The following TTC28 variants were observed in gnomAD, a reference collection of about 807,000 sequenced individuals.
The protein encoded by TTC28 is tetratricopeptide repeat protein 28.
A neutral mutation model predicts 198.0 loss-of-function variants in TTC28; 61 were observed. The ratio of observed to expected loss-of-function variants is 0.31; its 90% confidence interval spans 0.25 to 0.38. The LOEUF (loss-of-function observed/expected upper bound fraction) is 0.38. Ranked by LOEUF, TTC28 falls within the 10% of genes least tolerant of loss-of-function variation. TTC28 has a pLI of 1.00. For synonymous variants in TTC28, 1,171 were observed against 1,297.8 expected (o/e 0.90, Z 2.10); for missense variants, 2,678 against 3,164.0 (o/e 0.85, Z 3.69).
Position 27,983,619 on chromosome 22 carries a change from G to A in TTC28, c.6048C>T (p.Gly2016=). 6.5e-7 allele frequency: 1 copy of A among 1,544,332 alleles called. No individual in the cohort carries two copies. The highest frequency in any genetic ancestry group is 8.7e-7 in the Non-Finnish European group (1 of 1,143,616). ...SKPEGGSEGG[G]PGGRQDHDRS... ...GGTCATGGTCCTGCCGTCCTCCGGG[G>A]CCTCCACCCTCTGATCCACCCTCGG... The change falls in exon 23 of 23, where the codon GGC becomes GGT. Residue 2016 remains glycine, a synonymous_variant. Coordinates refer to ENST00000397906, the MANE Select transcript of TTC28 (RefSeq NM_001145418.2).
chr22:28,570,886 G>C (rs1009713116), intron 2 of TTC28, among the ~76,000 whole-genome samples: 8 of 152,128 alleles, frequency 5.3e-5, no homozygotes, highest in African/African-American at 1.7e-4. Flanking sequence ...GGAGATACAA[G>C]GCACTACAGA....
chr22:28,105,119 A>C (rs941373513), intron 8 of TTC28, among the ~76,000 whole-genome samples, 160 bp downstream of exon 8: 1 of 152,156 alleles, frequency 6.6e-6, no homozygotes, highest in Non-Finnish European at 1.5e-5. Flanking sequence ...TGGTGGGGAC[A>C]CCGTGATTCT....
In TTC28 at chr22:28,504,746, G is replaced by A. The variant is rs992020771; in HGVS notation, c.381+124806C>T. On this transcript the variant is annotated intron_variant, in intron 2 of 22. Transcript: ENST00000397906. Reference sequence around the variant, plus strand: ...CCATTCCCAGCTCTGAAGAAGATATGCTCTTAATAAAAAACACTTTCTTGA... The same window carrying A: ...CCATTCCCAGCTCTGAAGAAGATATACTCTTAATAAAAAACACTTTCTTGA... Among the ~76,000 whole-genome samples the A allele has an allele frequency of 9.9e-5, 15 of 152,070 alleles. No homozygotes were observed. In the East Asian group the frequency reaches 1.2e-3, roughly 12 times the overall value.
At chr22:28,227,431 ACT>A (rs1928431165) in intron 5 of TTC28, among the ~76,000 whole-genome samples, 1 of 152,222 alleles carries the variant, frequency 6.6e-6, no homozygotes, top group African/African-American at 2.4e-5. Flanking sequence ...ATCGAAGGTC[ACT>A]ACCAAAGAAG....
At chr22:28,481,418 T>C (rs1375964531) in intron 2 of TTC28, among the ~76,000 whole-genome samples, 2 of 152,154 alleles carry the variant, frequency 1.3e-5, no homozygotes, top group Admixed American at 1.3e-4. Flanking sequence ...AACTCAAAAG[T>C]TGTGTTTTTT....
chr22:28,396,579 G>A (rs900091744), intron 2 of TTC28, among the ~76,000 whole-genome samples: 4 of 151,986 alleles, frequency 2.6e-5, no homozygotes, highest in African/African-American at 9.7e-5. Flanking sequence ...CTTTAACATT[G>A]GTGCTCCCAA....
chr22:28,504,810 G>A (rs1281121553), intron 2 of TTC28, among the ~76,000 whole-genome samples: 1 of 152,072 alleles, frequency 6.6e-6, no homozygotes, highest in Non-Finnish European at 1.5e-5. Context: ...AATCCAGTGG[G>A]AGTGGGTACA....
chr22:28,391,609 T>C (rs1255641440), intron 2 of TTC28, among the ~76,000 whole-genome samples: 1 of 152,248 alleles, frequency 6.6e-6, no homozygotes, highest in African/African-American at 2.4e-5. Flanking sequence ...CCATCGCTGA[T>C]ACCCTTTCTT....
chr22:28,014,875 C>T (rs774642815), intron 13 of TTC28, among the ~76,000 whole-genome samples: 40 of 152,326 alleles, frequency 2.6e-4, no homozygotes, highest in Middle Eastern at 3.4e-3. Context: ...AGCCCCAGCA[C>T]GGGCTCTGTG....
intron 2 of TTC28, among the ~76,000 whole-genome samples, chr22:28,388,439 A>G (rs2046654343): frequency 6.6e-6 from 1 of 152,170 alleles, no homozygotes; most frequent in African/African-American, 2.4e-5. Context: ...CTTGGGCAGT[A>G]TGGCCATTTT....
intron 2 of TTC28, among the ~76,000 whole-genome samples, chr22:28,508,762 T>C (rs1472860491): frequency 6.6e-6 from 1 of 152,142 alleles, no homozygotes; most frequent in Non-Finnish European, 1.5e-5. Context: ...ACTTAGACTT[T>C]AGACTCCCAC....
At chr22:28,242,322 C>G (rs995461366) in intron 5 of TTC28, among the ~76,000 whole-genome samples, 1 of 152,160 alleles carries the variant, frequency 6.6e-6, no homozygotes, top group African/African-American at 2.4e-5. Flanking sequence ...ATTATGCCAT[C>G]TGACAGAAAC....
chr22:28,429,262 C>T (rs1175302215), intron 2 of TTC28, among the ~76,000 whole-genome samples: 1 of 152,180 alleles, frequency 6.6e-6, no homozygotes, highest in African/African-American at 2.4e-5. Flanking sequence ...CTGCCTGATC[C>T]TACCTAAAAG....
At chr22:28,480,459 A>G (rs2048230227) in intron 2 of TTC28, among the ~76,000 whole-genome samples, 1 of 152,196 alleles carries the variant, frequency 6.6e-6, no homozygotes, top group Non-Finnish European at 1.5e-5. Flanking sequence ...AATGTTCAGA[A>G]AATTAATTAG....
chr22:28,242,162 G>A (rs1196007517), intron 5 of TTC28, among the ~76,000 whole-genome samples: 6 of 152,112 alleles, frequency 3.9e-5, no homozygotes, highest in South Asian at 2.1e-4. Context: ...ACTGCCTGGC[G>A]CCACAGCACA....
chr22:28,178,416 G>A (rs963510317), intron 5 of TTC28, among the ~76,000 whole-genome samples: 6 of 152,164 alleles, frequency 3.9e-5, no homozygotes, highest in South Asian at 4.2e-4. Context: ...GCAGTGAGCC[G>A]AGATGGCACC....
chr22:28,432,415 A>C (rs2047447375), intron 2 of TTC28, among the ~76,000 whole-genome samples: 1 of 152,226 alleles, frequency 6.6e-6, no homozygotes, highest in Non-Finnish European at 1.5e-5. Context: ...ATTCATTCTT[A>C]ATTCATATGA....
intron 2 of TTC28, among the ~76,000 whole-genome samples, chr22:28,422,599 T>C (rs1443335963): frequency 1.3e-5 from 2 of 151,836 alleles, no homozygotes; most frequent in African/African-American, 4.8e-5. Flanking sequence ...CCACCACGCC[T>C]GGCTAATTTT....
At chr22:28,200,384 A>G (rs758990338) in intron 5 of TTC28, among the ~76,000 whole-genome samples, 2 of 152,200 alleles carry the variant, frequency 1.3e-5, no homozygotes, top group African/African-American at 2.4e-5. Flanking sequence ...CAAATTTCCT[A>G]CAACAGCATG....
Sources: gnomAD v4.1 joint callset for allele counts (sites outside exome capture counted in the v4.1 genomes callset) on GRCh38, gnomAD v4.1.1 for gene constraint, MANE v1.5 for transcripts, NCBI Gene and HGNC (gene_info 2026-07-23, HGNC 2026-07-21) for gene names.